Variants in DSTYK observed in about 807,000 individuals in gnomAD.
DSTYK encodes the protein RIP-homologous kinase.
DSTYK carries 34 observed loss-of-function variants against 98.7 expected under a neutral mutation model. The observed-to-expected ratio is 0.34, with a 90% confidence interval of 0.26 to 0.46. The LOEUF (loss-of-function observed/expected upper bound fraction) is 0.46, where lower values mean the gene tolerates loss of function less well. Among genes scored for constraint, DSTYK ranks in the 20% least tolerant of loss-of-function variants. The probability of loss-of-function intolerance (pLI) is 1.00; values close to 1 mark genes in which losing one functional copy is unlikely to be tolerated. For missense variants in DSTYK, 962 were observed against 1,181.7 expected, an observed-to-expected ratio of 0.81 and a Z score of 2.73; for synonymous variants, 462 against 457.3, an observed-to-expected ratio of 1.01 and a Z score of -0.13.
chr1:205,161,492 G>T, intron 6 of DSTYK, 105 bp from the exon 7 acceptor site: 1 of 1,182,502 alleles, frequency 8.5e-7, no homozygotes, highest in Non-Finnish European at 1.2e-6. Context: ...ATAATTGTGA[G>T]AATTAAACAA....
chr1:205,193,572 T>C (rs561345855), intron 1 of DSTYK, among the ~76,000 whole-genome samples: 9 of 152,160 alleles, frequency 5.9e-5, no homozygotes, highest in Admixed American at 1.3e-4. Flanking sequence ...CTCAAGACCA[T>C]AGAAACTAGA....
intron 5 of DSTYK, 49 bp from the exon 6 acceptor site, chr1:205,162,261 C>T (rs769787404): frequency 1.3e-6 from 2 of 1,596,778 alleles, no homozygotes; most frequent in Non-Finnish European, 1.7e-6. Context: ...AGACAAGAAC[C>T]ACTACAAAGA....
At chr1:205,189,749 C>T (rs1404308854) in intron 1 of DSTYK, among the ~76,000 whole-genome samples, 2 of 152,148 alleles carry the variant, frequency 1.3e-5, no homozygotes, top group Non-Finnish European at 2.9e-5. Context: ...CCCTTCTTTT[C>T]ATGTCTGTCT....
rs756706640 is a variant in DSTYK at position 205,157,397 on chromosome 1, C to A, written c.2239-11G>T. The A allele has an allele frequency of 1.9e-6, 3 of 1,610,676 alleles. No individual in the cohort carries two copies. Among genetic ancestry groups the A allele is most frequent in the Admixed American group, 3.3e-5 (2 of 59,956 alleles). ...CAGGGTCAGCCCAGCCTTGGGGAGA[C>A]AAAAGAGCTTACTTGTCATGATAAG... is the stretch of plus-strand genomic sequence containing the variant. On this transcript the variant is annotated splice_polypyrimidine_tract_variant and intron_variant, in intron 9 of 12. Transcript: ENST00000367162.
rs560047108 is a variant in DSTYK at position 205,197,607 on chromosome 1, A to G, written c.266-9801T>C. 6.6e-5 allele frequency among the ~76,000 whole-genome samples: 10 copies of G among 152,172 alleles called. No homozygotes were observed. The South Asian group carries it at 1.9e-3, about 28-fold the overall frequency. Reference sequence around the variant, plus strand: ...AGGATTTTACTTGACAAGAAAAACCAGCCGGAAAAAAAAAAAATACATCAA... The same window carrying G: ...AGGATTTTACTTGACAAGAAAAACCGGCCGGAAAAAAAAAAAATACATCAA... On this transcript the variant is annotated intron_variant, in intron 1 of 12. Coordinates refer to ENST00000367162, the MANE Select transcript of DSTYK (RefSeq NM_015375.3).
At position 205,150,926 on chromosome 1, in the gene DSTYK, A is replaced by C. The variant is rs1558597981; in HGVS notation, c.2353-132T>G. On this transcript the variant is annotated intron_variant, in intron 10 of 12. Coordinates refer to ENST00000367162, the MANE Select transcript of DSTYK (RefSeq NM_015375.3). This position sits in a 1 kb window ranked among gnomAD's most constrained non-coding sequence, Gnocchi z 4.1. ...GATTATGCTCTGAAAATGAGTTGTCAGGTGATTTCATCCTTGTACAAACAC... is the reference window on the plus strand; with the variant it reads ...GATTATGCTCTGAAAATGAGTTGTCCGGTGATTTCATCCTTGTACAAACAC... 3 of 736,240 alleles carry C rather than the reference A, an allele frequency of 4.1e-6. No homozygotes were observed. Among genetic ancestry groups the C allele is most frequent in the South Asian group, 3.0e-5 (2 of 65,980 alleles). 45.6% of individuals were successfully genotyped at this position (736,240 alleles called of 1,614,324 possible).
intron 10 of DSTYK, among the ~76,000 whole-genome samples, chr1:205,152,006 C>T (rs761075743): frequency 6.6e-6 from 1 of 152,002 alleles, no homozygotes; most frequent in Non-Finnish European, 1.5e-5. Context: ...ATATATAAAC[C>T]AGTAACAGAG....
chr1:205,210,850 T>G (rs954695386), intron 1 of DSTYK, among the ~76,000 whole-genome samples: 3 of 152,228 alleles, frequency 2.0e-5, no homozygotes, highest in Admixed American at 2.0e-4. Flanking sequence ...CTCCCGGGAC[T>G]CGCTGCCGCC....
intron 1 of DSTYK, among the ~76,000 whole-genome samples, chr1:205,207,148 G>A (rs921890649): frequency 1.3e-4 from 19 of 148,536 alleles, no homozygotes; most frequent in Non-Finnish European, 8.9e-5. Context: ...GCTCGATCTC[G>A]ACTCACTGCA....
chr1:205,159,481 AG>A, intron 9 of DSTYK, 65 bp downstream of exon 9: 1 of 1,519,652 alleles, frequency 6.6e-7, no homozygotes, highest in Non-Finnish European at 8.9e-7. Context: ...AATAAACAGG[AG>A]AGGATGAGTG....
In DSTYK at chr1:205,160,151, G is replaced by A. The variant is rs759134097; in HGVS notation, c.2068C>T (p.His690Tyr). ...AATTCCAAAGCCAGATCATTCCAGT[G>A]CTTCTCATCTGGAGGGACAACTGAT... ...LKSVVPPDEKHWNDLALEFHY... is the reference protein window; with the variant it reads ...LKSVVPPDEKYWNDLALEFHY... Residue 690 changes from histidine (H) to tyrosine (Y), a missense_variant, in exon 8 of 13, where the codon CAC (histidine) becomes TAC (tyrosine). By Grantham distance (83) the His-to-Tyr change is moderately conservative. Coordinates refer to ENST00000367162, the MANE Select transcript of DSTYK (RefSeq NM_015375.3). 1.2e-6 allele frequency: 2 copies of A among 1,614,002 alleles called. No homozygotes were observed. Among genetic ancestry groups the A allele is most frequent in the African/African-American group, 1.3e-5 (1 of 74,902 alleles).
At chr1:205,202,262 T>G in intron 1 of DSTYK, 2 of 618,640 alleles carry the variant, frequency 3.2e-6, no homozygotes, top group Non-Finnish European at 6.3e-6. Context: ...ATCTTCGTGT[T>G]CACTTTAAGA....
Position 205,211,603 on chromosome 1 carries a change from C to T in DSTYK, c.-68G>A. ...AGGCCCGGCCTCCCTCCTCCCCGCC[C>T]CCCAGTGCCGAAGGGAGGAGGAATC... On this transcript the variant is annotated 5_prime_UTR_variant, in exon 1 of 13. Transcript: ENST00000367162. The T allele has an allele frequency of 7.1e-7, 1 of 1,406,646 alleles. No individual in the cohort carries two copies. The highest frequency in any genetic ancestry group is 9.2e-7 in the Non-Finnish European group (1 of 1,088,614). 87.1% of individuals were successfully genotyped at this position (1,406,646 alleles called of 1,614,324 possible).
Position 205,211,700 on chromosome 1 carries a change from A to C in DSTYK, c.-165T>G. ...GTCACTGCCGTTGCAAACAAACCAA[A>C]CCGCAGTGCGCCGCTATCGGAACCT... On this transcript the variant is annotated 5_prime_UTR_variant, in exon 1 of 13. Transcript: ENST00000367162. 16 of 900,708 alleles carry C rather than the reference A, an allele frequency of 1.8e-5. No individual in the cohort carries two copies. Among genetic ancestry groups the C allele is most frequent in the Admixed American group, 3.5e-5 (1 of 28,536 alleles). The allele number at this position is 900,708 out of a possible 1,614,324, so 55.8% of individuals were successfully genotyped here.
In DSTYK at chr1:205,147,322, A is replaced by C. The variant is rs1318617992; in HGVS notation, c.*236T>G. On this transcript the variant is annotated 3_prime_UTR_variant, in exon 13 of 13. Coordinates refer to ENST00000367162, the MANE Select transcript of DSTYK (RefSeq NM_015375.3). Reference sequence around the variant, plus strand: ...ACATTCCTCAGCTTTTACACATCTGAGACACTTTTTTGCTAAAGGGATAGC... The same window carrying C: ...ACATTCCTCAGCTTTTACACATCTGCGACACTTTTTTGCTAAAGGGATAGC... 2.5e-6 allele frequency: 1 copy of C among 401,570 alleles called. No individual in the cohort carries two copies. The highest frequency in any genetic ancestry group is 4.5e-6 in the Non-Finnish European group (1 of 221,476). 24.9% of individuals were successfully genotyped at this position (401,570 alleles called of 1,614,324 possible). A position where few individuals can be genotyped will look rare whatever the true frequency, so the allele number is the denominator to read the frequency against.
Position 205,149,752 on chromosome 1 carries a change from G to C in DSTYK, c.2467+928C>G, listed in dbSNP as rs192224015. Among the ~76,000 whole-genome samples, 23 of 152,028 alleles carry C rather than the reference G, an allele frequency of 1.5e-4. No individual in the cohort carries two copies. The East Asian group carries it at 4.0e-3, about 27-fold the overall frequency. ...AAAGCTCAGTAGCTCCTTAAGTCTT[G>C]CACAACAAGCCTTGATTCTTCTGTG... On this transcript the variant is annotated intron_variant, in intron 11 of 12. Transcript: ENST00000367162.
chr1:205,168,932 A>C (rs963779479), intron 3 of DSTYK, among the ~76,000 whole-genome samples: 1 of 152,188 alleles, frequency 6.6e-6, no homozygotes, highest in African/African-American at 2.4e-5. Context: ...AATTTACCAA[A>C]AGTTGAGCTA....
At chr1:205,171,628 G>A (rs554283886) in intron 2 of DSTYK, among the ~76,000 whole-genome samples, 1 of 152,210 alleles carries the variant, frequency 6.6e-6, no homozygotes, top group East Asian at 1.9e-4. Flanking sequence ...TGCACAGGTT[G>A]TTCCTCTGTG....
rs996478065 is a variant in DSTYK at position 205,162,916 on chromosome 1, T to C, written c.1641+7A>G. 6.2e-6 allele frequency: 10 copies of C among 1,607,720 alleles called. No homozygotes were observed. The highest frequency in any genetic ancestry group is 8.5e-6 in the Non-Finnish European group (10 of 1,174,180). ...TTTGAAATCTTTCTCTAAGTAATAA[T>C]CCCTACCTGTTTGATTTGCTCCCAT... On this transcript the variant is annotated splice_region_variant and intron_variant, in intron 5 of 12. Coordinates refer to ENST00000367162, the MANE Select transcript of DSTYK (RefSeq NM_015375.3).
Sources: allele counts gnomAD v4.1 joint callset (sites outside exome capture counted in the v4.1 genomes callset), GRCh38; gene constraint gnomAD v4.1.1; non-coding constraint Gnocchi (gnomAD v3.1); transcripts MANE v1.5; gene names NCBI Gene and HGNC (gene_info 2026-07-23, HGNC 2026-07-21).